Variants in DRC8 observed in about 807,000 individuals in gnomAD.
The protein encoded by DRC8 is dynein regulatory complex subunit 8, also known as dynein regulatory complex protein 8.
At chr1:245,097,395 G>A in the DRC8 span, among the ~76,000 whole-genome samples, 1 of 152,088 alleles carries the variant, frequency 6.6e-6, no homozygotes, top group Admixed American at 6.6e-5. This position sits in a 1 kb window ranked among gnomAD's most constrained non-coding sequence, Gnocchi z 5.0. Context: ...GCGGGCGCCT[G>A]TAGTCCCAGC....
chr1:245,032,990 A>C, the DRC8 span, among the ~76,000 whole-genome samples: 63 of 152,158 alleles, frequency 4.1e-4, no homozygotes, highest in African/African-American at 1.2e-3. Context: ...ATTAAAAAAA[A>C]AAAAACAAAA....
chr1:245,020,873 A>AC, the DRC8 span, among the ~76,000 whole-genome samples: 1 of 150,674 alleles, frequency 6.6e-6, no homozygotes, highest in African/African-American at 2.4e-5. Context: ...CAGGTGATCC[A>AC]CCCACCTTGG....
At chr1:245,019,111 G>A in the DRC8 span, among the ~76,000 whole-genome samples, 2 of 152,174 alleles carry the variant, frequency 1.3e-5, no homozygotes, top group Non-Finnish European at 2.9e-5. Flanking sequence ...GTGTTTATGG[G>A]CTGAATCTTT....
the DRC8 span, among the ~76,000 whole-genome samples, chr1:245,007,530 C>A: frequency 4.6e-5 from 7 of 152,092 alleles, no homozygotes; most frequent in East Asian, 1.9e-4. Flanking sequence ...ATGAATTATT[C>A]TGATGTCTGC....
the DRC8 span, among the ~76,000 whole-genome samples, chr1:245,105,349 T>A: frequency 6.6e-6 from 1 of 152,160 alleles, no homozygotes; most frequent in African/African-American, 2.4e-5. Flanking sequence ...GTGATTTTTT[T>A]TTAAAAAGAT....
At chr1:245,024,877 T>C in the DRC8 span, among the ~76,000 whole-genome samples, 1 of 152,206 alleles carries the variant, frequency 6.6e-6, no homozygotes, top group East Asian at 1.9e-4. Context: ...ACATCTTTCA[T>C]ATCTCTTAAA....
At chr1:245,020,791 C>T in the DRC8 span, among the ~76,000 whole-genome samples, 779 of 148,154 alleles carry the variant, frequency 5.3e-3, 4 homozygotes, top group Non-Finnish European at 8.3e-3. Context: ...GGCTAATTTT[C>T]GTATTTTTTT....
At chr1:245,113,491 C>T in the DRC8 span, among the ~76,000 whole-genome samples, 10,810 of 152,156 alleles carry the variant, frequency 0.071, 1,079 homozygotes, top group African/African-American at 0.21. Context: ...CTGCGAGAAA[C>T]AGAAAAGTTG....
At chr1:245,000,776 A>G in the DRC8 span, among the ~76,000 whole-genome samples, 2 of 73,362 alleles carry the variant, frequency 2.7e-5, no homozygotes, top group East Asian at 1.9e-3. Context: ...GCGAGACTCC[A>G]TCTCAAAAAA....
chr1:245,100,162 A>G, the DRC8 span, among the ~76,000 whole-genome samples: 1 of 152,280 alleles, frequency 6.6e-6, no homozygotes, highest in Non-Finnish European at 1.5e-5. Context: ...AGGCGGGTGG[A>G]TCACCTGAGG....
At chr1:244,970,594 G>A in the DRC8 span, 25 of 958,590 alleles carry the variant, frequency 2.6e-5, no homozygotes, top group South Asian at 4.0e-4. Context: ...CCCGGCAGCA[G>A]CAGTCGCCCT....
At chr1:245,082,347 A>G in the DRC8 span, among the ~76,000 whole-genome samples, 1 of 152,208 alleles carries the variant, frequency 6.6e-6, no homozygotes, top group East Asian at 1.9e-4. Context: ...AATATCAACC[A>G]CACTAGTGTT....
the DRC8 span, among the ~76,000 whole-genome samples, chr1:245,116,037 C>T: frequency 7.3e-5 from 11 of 151,710 alleles, no homozygotes; most frequent in African/African-American, 2.2e-4. Context: ...CAGGTACCAT[C>T]GCCATGCCTG....
At chr1:245,055,416 C>T in the DRC8 span, among the ~76,000 whole-genome samples, 3 of 152,200 alleles carry the variant, frequency 2.0e-5, no homozygotes, top group Admixed American at 6.5e-5. Context: ...AACTCCTCGG[C>T]TCAACCGATC....
At chr1:244,980,040 T>TAAAAAAAAAAAAAAAAAAAAA in the DRC8 span, among the ~76,000 whole-genome samples, 2 of 34,732 alleles carry the variant, frequency 5.8e-5, no homozygotes, top group African/African-American at 1.4e-4. Flanking sequence ...CCGTCTCTAC[T>TAAAAAAAAAAAAAAAAAAAAA]AAAAAAAAAA....
chr1:245,019,504 A>G, the DRC8 span, among the ~76,000 whole-genome samples: 2 of 152,080 alleles, frequency 1.3e-5, no homozygotes, highest in African/African-American at 4.8e-5. Context: ...CTCCTGCCTC[A>G]GCCTCCCAAG....
At chr1:245,050,018 A>G in the DRC8 span, among the ~76,000 whole-genome samples, 1 of 152,224 alleles carries the variant, frequency 6.6e-6, no homozygotes, top group Non-Finnish European at 1.5e-5. Context: ...GTAATAAGTC[A>G]CTGTAGAACT....
chr1:245,024,014 A>T, the DRC8 span, among the ~76,000 whole-genome samples: 143 of 152,262 alleles, frequency 9.4e-4, no homozygotes, highest in East Asian at 0.016. Flanking sequence ...TACTAAAAAT[A>T]CAAAAATTAG....
chr1:245,010,683 T>TTC, the DRC8 span, among the ~76,000 whole-genome samples: 27 of 138,600 alleles, frequency 1.9e-4, no homozygotes, highest in African/African-American at 5.4e-4. Context: ...TTTTCTTTCT[T>TTC]TTTTTTTTTT....
Sources: gnomAD v4.1 joint callset for allele counts (sites outside exome capture counted in the v4.1 genomes callset) on GRCh38, gnomAD v4.1.1 for gene constraint, Gnocchi (gnomAD v3.1) non-coding constraint, MANE v1.5 for transcripts, NCBI Gene and HGNC (gene_info 2026-07-23, HGNC 2026-07-21) for gene names.